Variants in VPS53 observed in about 807,000 individuals in gnomAD.
VPS53 encodes vacuolar protein sorting-associated protein 53 homolog.
In VPS53, 70 loss-of-function variants were observed where a neutral mutation model predicts 107.0. The ratio of observed to expected loss-of-function variants is 0.65; its 90% confidence interval spans 0.54 to 0.80. The LOEUF (loss-of-function observed/expected upper bound fraction) is 0.80. Ranked by LOEUF, VPS53 falls within the 30% of genes least tolerant of loss-of-function variation. The probability of loss-of-function intolerance (pLI) is 0.00; values close to 1 mark genes in which losing one functional copy is unlikely to be tolerated. For synonymous variants in VPS53, 409 were observed against 393.3 expected (o/e 1.04, Z -0.47); for missense variants, 917 against 1,049.4 (o/e 0.87, Z 1.74).
At chr17:659,619 C>T (rs988256545) in intron 5 of VPS53, among the ~76,000 whole-genome samples, 1 of 152,122 alleles carries the variant, frequency 6.6e-6, no homozygotes, top group African/African-American at 2.4e-5. Flanking sequence ...AAAGTCACAT[C>T]ATCTATGACT....
chr17:559,441 G>A (rs1165972320), intron 15 of VPS53, among the ~76,000 whole-genome samples: 3 of 152,208 alleles, frequency 2.0e-5, no homozygotes, highest in Non-Finnish European at 4.4e-5. Flanking sequence ...CATCTTACCT[G>A]GGGAGTGGCC....
chr17:714,614 A>T lies in VPS53; in HGVS notation c.87+9T>A, dbSNP rs776679166. 7 of 1,607,328 alleles carry T rather than the reference A, an allele frequency of 4.4e-6. No homozygotes were observed. In the Admixed American group the frequency reaches 1.2e-4, roughly 27 times the overall value. On this transcript the variant is annotated intron_variant, in intron 1 of 21. Transcript: ENST00000437048. ...TCCCGTTTCCCCTCCTGAGGGGCGG[A>T]ACGCTTACCTGCTCGATGGCCAGCT...
chr17:592,990 T>G (rs1168807345), intron 12 of VPS53, among the ~76,000 whole-genome samples: 1 of 152,168 alleles, frequency 6.6e-6, no homozygotes, highest in Non-Finnish European at 1.5e-5. Flanking sequence ...AACAGAGCCC[T>G]CAGAAATAAT....
At chr17:644,630 C>A (rs914302229) in intron 7 of VPS53, among the ~76,000 whole-genome samples, 1 of 151,678 alleles carries the variant, frequency 6.6e-6, no homozygotes, top group Non-Finnish European at 1.5e-5. Flanking sequence ...CTTGCCCAGG[C>A]TGGAGTGCAG....
intron 17 of VPS53, among the ~76,000 whole-genome samples, chr17:546,585 T>C (rs1198501436): frequency 1.3e-5 from 2 of 152,148 alleles, no homozygotes; most frequent in African/African-American, 4.8e-5. Context: ...AAAGAGAATA[T>C]ACAAATCGCC....
intron 2 of VPS53, among the ~76,000 whole-genome samples, chr17:703,707 C>T (rs1973295249): frequency 6.6e-6 from 1 of 152,050 alleles, no homozygotes; most frequent in Non-Finnish European, 1.5e-5. Flanking sequence ...ACACCCAGGA[C>T]AGTATGACCA....
At chr17:543,409 A>T (rs2151824435) in intron 17 of VPS53, among the ~76,000 whole-genome samples, 1 of 152,262 alleles carries the variant, frequency 6.6e-6, no homozygotes, top group Non-Finnish European at 1.5e-5. Context: ...AAGAAAATTT[A>T]ATTTATTCAG....
intron 13 of VPS53, among the ~76,000 whole-genome samples, chr17:579,009 G>T (rs1455809232): frequency 7.0e-6 from 1 of 143,314 alleles, no homozygotes; most frequent in African/African-American, 2.6e-5. Context: ...GAATCTCAGT[G>T]GGTTACCAGA....
At chr17:706,510 C>T (rs2143990681) in intron 2 of VPS53, among the ~76,000 whole-genome samples, 1 of 149,082 alleles carries the variant, frequency 6.7e-6, no homozygotes, top group East Asian at 2.0e-4. Context: ...GCATTCCATC[C>T]TGGCAACAGA....
Position 698,896 on chromosome 17 carries a change from G to A in VPS53, c.218+435C>T, listed in dbSNP as rs569211134. On this transcript the variant is annotated intron_variant, in intron 3 of 21. Transcript: ENST00000437048. ...ATAAAATAATTATATGGCCGGGTGC[G>A]GTGGCTCACCCCTGTCATCCCAGCA... Among the ~76,000 whole-genome samples, 19 of 152,112 alleles carry A rather than the reference G, an allele frequency of 1.2e-4. No individual in the cohort carries two copies. The East Asian group carries it at 2.1e-3, about 17-fold the overall frequency.
chr17:532,998 G>GA, intron 18 of VPS53, 87 bp from the exon 19 acceptor site: 1 of 1,514,026 alleles, frequency 6.6e-7, no homozygotes, highest in Non-Finnish European at 8.9e-7. Context: ...GTATCTCCAT[G>GA]AAAAAACCTT....
rs548219603 is a variant in VPS53 at position 653,315 on chromosome 17, G to A, written c.584C>T (p.Pro195Leu). The change falls in exon 7 of 22, where the codon CCG becomes CTG. Residue 195 changes from proline to leucine, a missense_variant. By Grantham distance (98) the Pro-to-Leu change is moderately conservative. Coordinates refer to ENST00000437048, the MANE Select transcript of VPS53 (RefSeq NM_001128159.3). ...CCTTTCGGAAAGCTGCCGGATCTGC[G>A]GAATCCCCATATACTTGTGGAAGTG... ...LEHFHKYMGIPQIRQLSERVK... is the reference protein window; with the variant it reads ...LEHFHKYMGILQIRQLSERVK... 1.4e-4 allele frequency: 225 copies of A among 1,613,806 alleles called. 3 individuals are homozygous for A. The South Asian group carries it at 2.2e-3, about 15-fold the overall frequency.
intron 15 of VPS53, among the ~76,000 whole-genome samples, chr17:554,903 T>C (rs1322913681): frequency 1.3e-5 from 2 of 152,220 alleles, no homozygotes; most frequent in Non-Finnish European, 2.9e-5. Context: ...TACAAAGATA[T>C]GCAAGTATTT....
chr17:678,147 G>A (rs1429166847), intron 4 of VPS53, among the ~76,000 whole-genome samples: 1 of 152,112 alleles, frequency 6.6e-6, no homozygotes, highest in African/African-American at 2.4e-5. Flanking sequence ...CAGGCCCGGT[G>A]GCTCACGCCT....
Position 669,889 on chromosome 17 carries a change from TA to T in VPS53, c.286-7995del, listed in dbSNP as rs1002640028. ...CCTGGTGACAGAGCGAGACTCCATC[TA>T]AAAAAAAAAAAAGAAGAAAAAAAAG... On this transcript the variant is annotated intron_variant, in intron 4 of 21. Coordinates refer to ENST00000437048, the MANE Select transcript of VPS53 (RefSeq NM_001128159.3). Among the ~76,000 whole-genome samples, 742 of 132,074 alleles carry T rather than the reference TA, an allele frequency of 5.6e-3. 6 individuals carry two copies. Among genetic ancestry groups the T allele is most frequent in the Admixed American group, 4.2e-3 (54 of 12,794 alleles). 86.6% of individuals were successfully genotyped at this position (132,074 alleles called of 152,430 possible).
At chr17:696,755 T>C (rs148731045) in intron 4 of VPS53, among the ~76,000 whole-genome samples, 328 of 150,760 alleles carry the variant, frequency 2.2e-3, no homozygotes, top group African/African-American at 7.6e-3. Context: ...TTCCCTCCAA[T>C]GGCCTCCTTA....
intron 17 of VPS53, among the ~76,000 whole-genome samples, chr17:548,412 C>G (rs1035347383): frequency 1.3e-5 from 2 of 149,654 alleles, no homozygotes; most frequent in African/African-American, 4.9e-5. Flanking sequence ...TCCACTTTGG[C>G]CAGCCAACAG....
chr17:614,938 C>A (rs1005141703), intron 11 of VPS53, among the ~76,000 whole-genome samples: 1 of 152,006 alleles, frequency 6.6e-6, no homozygotes, highest in Non-Finnish European at 1.5e-5. Context: ...AATTTTATTA[C>A]TACAAAAAAA....
intron 11 of VPS53, among the ~76,000 whole-genome samples, chr17:608,773 G>C (rs1342733877): frequency 5.9e-5 from 9 of 151,692 alleles, no homozygotes; most frequent in Admixed American, 5.9e-4. Flanking sequence ...ACACTACCAC[G>C]CCCTGCTCAT....
Sources: gnomAD v4.1 joint callset for allele counts (sites outside exome capture counted in the v4.1 genomes callset) on GRCh38, gnomAD v4.1.1 for gene constraint, MANE v1.5 for transcripts, NCBI Gene and HGNC (gene_info 2026-07-23, HGNC 2026-07-21) for gene names.